Variants in JAZF1 observed in about 807,000 individuals in gnomAD.
JAZF1 encodes the protein JAZF zinc finger 1, also known as juxtaposed with another zinc finger protein 1.
In JAZF1, 8 loss-of-function variants were observed where a neutral mutation model predicts 26.4. That is an observed-to-expected ratio of 0.30 (90% confidence interval 0.18 to 0.55). The LOEUF (loss-of-function observed/expected upper bound fraction) is 0.55. Ranked by LOEUF, JAZF1 falls within the 20% of genes least tolerant of loss-of-function variation. The pLI, the probability that JAZF1 is intolerant of heterozygous loss-of-function variation, is 0.94. For synonymous variants in JAZF1, 126 were observed against 122.3 expected (o/e 1.03, Z -0.20); for missense variants, 199 against 322.0 (o/e 0.62, Z 2.92).
Position 27,937,806 on chromosome 7 carries a change from A to T in JAZF1, c.189-42390T>A, listed in dbSNP as rs1784781425. On this transcript the variant is annotated intron_variant, in intron 2 of 4. Coordinates refer to ENST00000283928, the MANE Select transcript of JAZF1 (RefSeq NM_175061.4). ...TTTCTTTGGAATTCAAAAGCAACAT[A>T]CCTTTCCATAAAAATGCAAACATCA... Among the ~76,000 whole-genome samples the T allele has an allele frequency of 1.3e-5, 2 of 152,340 alleles. 1 individual carries two copies. Among genetic ancestry groups the T allele is most frequent in the East Asian group, 3.9e-4 (2 of 5,188 alleles).
chr7:28,179,654 C>G lies in JAZF1; in HGVS notation c.115+809G>C, dbSNP rs1042149295. Among the ~76,000 whole-genome samples, 4 of 149,746 alleles carry G rather than the reference C, an allele frequency of 2.7e-5. No homozygotes were observed. The South Asian group carries it at 8.3e-4, about 31-fold the overall frequency. On this transcript the variant is annotated intron_variant, in intron 1 of 4. Transcript: ENST00000283928. ...CGCGGCCCGCGGGCGCACCCAAGACCTCAGCCCGCAGCGCCCGGGCGTCCG... is the reference window on the plus strand; with the variant it reads ...CGCGGCCCGCGGGCGCACCCAAGACGTCAGCCCGCAGCGCCCGGGCGTCCG...
intron 2 of JAZF1, among the ~76,000 whole-genome samples, chr7:27,944,904 C>G (rs1248540963): frequency 6.6e-6 from 1 of 152,108 alleles, no homozygotes. Context: ...AACCCCTTGC[C>G]TAATTTCTAT....
In JAZF1 at chr7:27,940,285, G is replaced by A. The variant is rs541004857; in HGVS notation, c.189-44869C>T. On this transcript the variant is annotated intron_variant, in intron 2 of 4. Transcript: ENST00000283928. ...CCTATCTTTCACAGGGCCGGGTCAC[G>A]GCGGTGTGGTGGTGGGGGGTGCTCT... 2.0e-4 allele frequency among the ~76,000 whole-genome samples: 10 copies of A among 50,276 alleles called. No individual in the cohort carries two copies. The South Asian group carries it at 0.01, about 51-fold the overall frequency. The allele number at this position is 50,276 out of a possible 152,430, so 33.0% of individuals were successfully genotyped here.
At chr7:28,118,921 A>T (rs945642050) in intron 1 of JAZF1, among the ~76,000 whole-genome samples, 2 of 152,230 alleles carry the variant, frequency 1.3e-5, no homozygotes, top group African/African-American at 4.8e-5. Flanking sequence ...CTTACCAGAT[A>T]AATAGCTATG....
chr7:28,106,103 A>T (rs1562589261), intron 1 of JAZF1, among the ~76,000 whole-genome samples: 1 of 152,218 alleles, frequency 6.6e-6, no homozygotes, highest in Admixed American at 6.5e-5. Flanking sequence ...ATGCTGTCTT[A>T]CAGGTTATTT....
chr7:28,029,922 GA>G (rs1783161512), intron 1 of JAZF1, among the ~76,000 whole-genome samples: 2 of 152,224 alleles, frequency 1.3e-5, no homozygotes, highest in African/African-American at 4.8e-5. Context: ...GGGTTGAGGT[GA>G]ATGGAGCACT....
rs1343172624 is a variant in JAZF1 at position 27,830,707 on chromosome 7, GCT to G, written c.*2091_*2092del. On this transcript the variant is annotated 3_prime_UTR_variant, in exon 5 of 5. Coordinates refer to ENST00000283928, the MANE Select transcript of JAZF1 (RefSeq NM_175061.4). ...CCTCTGTTGCTTTCAGACTTAATGTGCTCTGTCCCCAACAAAACATATGAAAA... is the reference window on the plus strand; with the variant it reads ...CCTCTGTTGCTTTCAGACTTAATGTGCTGTCCCCAACAAAACATATGAAAA... 2.6e-5 allele frequency: 5 copies of G among 192,516 alleles called. No individual in the cohort carries two copies. Among genetic ancestry groups the G allele is most frequent in the African/African-American group, 7.0e-5 (3 of 42,994 alleles). 11.9% of individuals were successfully genotyped at this position (192,516 alleles called of 1,614,324 possible). A position where few individuals can be genotyped will look rare whatever the true frequency, so the allele number is the denominator to read the frequency against.
intron 2 of JAZF1, among the ~76,000 whole-genome samples, chr7:27,971,570 C>T (rs572417103): frequency 6.6e-6 from 1 of 152,148 alleles, no homozygotes; most frequent in Non-Finnish European, 1.5e-5. Context: ...AATCAACAGT[C>T]TCAGCAATAT....
At chr7:28,176,352 G>A (rs187651588) in intron 1 of JAZF1, among the ~76,000 whole-genome samples, 2 of 152,314 alleles carry the variant, frequency 1.3e-5, no homozygotes, top group African/African-American at 4.8e-5. Flanking sequence ...AAGTGCTGCA[G>A]GCCTGCCTTG....
chr7:28,110,346 A>G, intron 1 of JAZF1, among the ~76,000 whole-genome samples: 1 of 151,610 alleles, frequency 6.6e-6, no homozygotes, highest in East Asian at 2.0e-4. Context: ...GAATCACTTG[A>G]ACCTGGGAGG....
intron 1 of JAZF1, among the ~76,000 whole-genome samples, chr7:28,091,452 GA>G (rs1173313558): frequency 2.6e-5 from 4 of 151,642 alleles, no homozygotes; most frequent in Middle Eastern, 3.4e-3. Flanking sequence ...AAATAGTTTA[GA>G]TTTTTTTTTA....
intron 3 of JAZF1, among the ~76,000 whole-genome samples, chr7:27,893,281 T>G (rs561566742): frequency 6.6e-6 from 1 of 152,248 alleles, no homozygotes; most frequent in South Asian, 2.1e-4. Context: ...AAACACACTT[T>G]GCACAATGGA....
chr7:27,890,924 G>A (rs902107168), intron 3 of JAZF1, among the ~76,000 whole-genome samples: 49 of 151,784 alleles, frequency 3.2e-4, no homozygotes, highest in Non-Finnish European at 5.1e-4. Context: ...CAAGTAGCTG[G>A]GATTACAGGC....
chr7:27,949,090 C>T (rs946749345), intron 2 of JAZF1, among the ~76,000 whole-genome samples: 1 of 152,194 alleles, frequency 6.6e-6, no homozygotes, highest in Non-Finnish European at 1.5e-5. Flanking sequence ...CCCTTTGCAT[C>T]CTTGTCTAGA....
At chr7:27,907,653 C>T (rs1289910692) in intron 2 of JAZF1, among the ~76,000 whole-genome samples, 1 of 152,132 alleles carries the variant, frequency 6.6e-6, no homozygotes, top group East Asian at 1.9e-4. Flanking sequence ...GGGGGTGAGG[C>T]ACACTGGAGG....
chr7:27,919,916 G>A (rs956763459), intron 2 of JAZF1, among the ~76,000 whole-genome samples: 1 of 152,168 alleles, frequency 6.6e-6, no homozygotes, highest in African/African-American at 2.4e-5. Context: ...AACTTGTGGA[G>A]TTTACTCTGT....
chr7:28,018,461 A>T (rs1782939435), intron 1 of JAZF1, among the ~76,000 whole-genome samples: 1 of 152,208 alleles, frequency 6.6e-6, no homozygotes, highest in South Asian at 2.1e-4. Flanking sequence ...CGGCCCCAGA[A>T]TCACGGTGAC....
chr7:27,981,698 C>A (rs962376843), intron 2 of JAZF1, among the ~76,000 whole-genome samples: 4 of 152,094 alleles, frequency 2.6e-5, no homozygotes, highest in Non-Finnish European at 5.9e-5. Context: ...TTTTGTCAGA[C>A]TATATTTTCT....
intron 3 of JAZF1, among the ~76,000 whole-genome samples, chr7:27,890,015 G>C (rs753603412): frequency 3.3e-5 from 5 of 152,048 alleles, no homozygotes; most frequent in Non-Finnish European, 5.9e-5. Flanking sequence ...ATTGTGGTTA[G>C]TGCCTACAAA....
Sources: allele counts gnomAD v4.1 joint callset (sites outside exome capture counted in the v4.1 genomes callset), GRCh38; gene constraint gnomAD v4.1.1; transcripts MANE v1.5; gene names NCBI Gene and HGNC (gene_info 2026-07-23, HGNC 2026-07-21).